DTWD2: variants seen among roughly 807,000 people sequenced by gnomAD.
DTWD2 encodes the protein DTW motif tRNA-uridine aminocarboxypropyltransferase 2.
DTWD2 carries 39 observed loss-of-function variants against 31.8 expected under a neutral mutation model. That is an observed-to-expected ratio of 1.22 (90% CI 0.95 to 1.60). The LOEUF (loss-of-function observed/expected upper bound fraction) is 1.60, where lower values mean the gene tolerates loss of function less well. Ranked by LOEUF, DTWD2 falls within the 40% of genes most tolerant of loss-of-function variation. DTWD2 has a pLI of 0.00. For synonymous variants in DTWD2, 180 were observed against 142.8 expected (o/e 1.26, Z -1.86); for missense variants, 515 against 381.5 (o/e 1.35, Z -2.92).
chr5:118,963,779 G>T (rs974999900), intron 1 of DTWD2, among the ~76,000 whole-genome samples: 1 of 152,072 alleles, frequency 6.6e-6, no homozygotes, highest in African/African-American at 2.4e-5. Context: ...TCCCACCTCT[G>T]CACTCCTAAA....
At chr5:118,968,739 C>T (rs1471587537) in intron 1 of DTWD2, among the ~76,000 whole-genome samples, 1 of 152,252 alleles carries the variant, frequency 6.6e-6, no homozygotes, top group East Asian at 1.9e-4. Flanking sequence ...ATTTTGCATA[C>T]TCTGGCCCTG....
chr5:118,974,203 T>A, intron 1 of DTWD2: 8 of 1,339,676 alleles, frequency 6.0e-6, no homozygotes, highest in Non-Finnish European at 7.3e-6. Context: ...TCTCAGAATC[T>A]AAACGTGGTC....
At position 118,887,991 on chromosome 5, in the gene DTWD2, A is replaced by C. The variant is rs551130858; in HGVS notation, c.598-39773T>G. Among the ~76,000 whole-genome samples the C allele has an allele frequency of 2.0e-5, 3 of 152,266 alleles. No homozygotes were observed. In the South Asian group the frequency reaches 6.2e-4, roughly 32 times the overall value. ...TTACTCACTGGACAATACCATCTGC[A>C]ACTGTGCACACCCCAGCAAGAATTC... On this transcript the variant is annotated intron_variant, in intron 4 of 5. Coordinates refer to ENST00000510708, the MANE Select transcript of DTWD2 (RefSeq NM_173666.4).
chr5:118,881,088 G>C (rs1752729996), intron 4 of DTWD2, among the ~76,000 whole-genome samples: 1 of 152,060 alleles, frequency 6.6e-6, no homozygotes, highest in Non-Finnish European at 1.5e-5. Flanking sequence ...ATCTATTTTG[G>C]AGAAAAATAC....
At chr5:118,926,797 T>C (rs1297340362) in intron 4 of DTWD2, among the ~76,000 whole-genome samples, 3 of 152,104 alleles carry the variant, frequency 2.0e-5, no homozygotes, top group Non-Finnish European at 4.4e-5. Flanking sequence ...CTCAAACTCC[T>C]GGGCTCAAGT....
intron 4 of DTWD2, among the ~76,000 whole-genome samples, chr5:118,882,821 C>G (rs1457795363): frequency 6.6e-6 from 1 of 152,236 alleles, no homozygotes; most frequent in Non-Finnish European, 1.5e-5. Context: ...CCCACAAAAC[C>G]ATTCATAGGA....
At chr5:118,843,658 A>C (rs1414750628) in intron 5 of DTWD2, among the ~76,000 whole-genome samples, 1 of 152,204 alleles carries the variant, frequency 6.6e-6, no homozygotes, top group Admixed American at 6.5e-5. Context: ...TATTCTTGTA[A>C]ACAGAAGAAA....
chr5:118,837,182 A>G lies in DTWD2; in HGVS notation c.*3735T>C, dbSNP rs1387791917. ...GAGGAAGACCCTGGGAAGGAGGAAG[A>G]AAGTGTGAAGAGAAAAGAGAGAGAA... On this transcript the variant is annotated 3_prime_UTR_variant, in exon 6 of 6. Coordinates refer to ENST00000510708, the MANE Select transcript of DTWD2 (RefSeq NM_173666.4). 6.6e-6 allele frequency: 1 copy of G among 152,214 alleles called. No individual in the cohort carries two copies. Among genetic ancestry groups the G allele is most frequent in the African/African-American group, 2.4e-5 (1 of 41,456 alleles). 9.4% of individuals were successfully genotyped at this position (152,214 alleles called of 1,614,324 possible). A position where few individuals can be genotyped will look rare whatever the true frequency, so the allele number is the denominator to read the frequency against.
chr5:118,950,990 G>T (rs1006698971), intron 1 of DTWD2, among the ~76,000 whole-genome samples: 1 of 152,126 alleles, frequency 6.6e-6, no homozygotes, highest in Non-Finnish European at 1.5e-5. Flanking sequence ...GTCTAGGAAG[G>T]TAAAGTCTCT....
chr5:118,891,983 A>G (rs918530648), intron 4 of DTWD2, among the ~76,000 whole-genome samples: 1 of 152,204 alleles, frequency 6.6e-6, no homozygotes, highest in African/African-American at 2.4e-5. Flanking sequence ...AAATTTTCTA[A>G]CAGCCATATT....
rs576317081 is a variant in DTWD2 at position 118,927,764 on chromosome 5, C to T, written c.597+773G>A. 3.3e-5 allele frequency among the ~76,000 whole-genome samples: 5 copies of T among 152,152 alleles called. No individual in the cohort carries two copies. The East Asian group carries it at 9.6e-4, about 29-fold the overall frequency. On this transcript the variant is annotated intron_variant, in intron 4 of 5. Transcript: ENST00000510708. Reference sequence around the variant, plus strand: ...TAAAAGCTACCATTTTTAAAGAGAACAGAACCAAGTGATTTCACCAATGAG... The same window carrying T: ...TAAAAGCTACCATTTTTAAAGAGAATAGAACCAAGTGATTTCACCAATGAG...
intron 1 of DTWD2, among the ~76,000 whole-genome samples, chr5:118,959,430 A>G (rs1168994915): frequency 6.6e-6 from 1 of 152,206 alleles, no homozygotes; most frequent in African/African-American, 2.4e-5. Flanking sequence ...ATTACAAAGC[A>G]CTGCTCAAAG....
chr5:118,875,431 C>A (rs746410862), intron 4 of DTWD2, among the ~76,000 whole-genome samples: 9 of 151,844 alleles, frequency 5.9e-5, no homozygotes, highest in Non-Finnish European at 7.4e-5. Flanking sequence ...GAACCAAGAC[C>A]TATTGGTATG....
chr5:118,968,978 C>G (rs956504556), intron 1 of DTWD2, among the ~76,000 whole-genome samples: 15 of 152,222 alleles, frequency 9.9e-5, no homozygotes, highest in Admixed American at 6.5e-5. Flanking sequence ...CTCTGTGGTT[C>G]CAGCCTGCCG....
intron 4 of DTWD2, among the ~76,000 whole-genome samples, chr5:118,900,198 G>A (rs1753174310): frequency 6.6e-6 from 1 of 152,290 alleles, no homozygotes; most frequent in Non-Finnish European, 1.5e-5. Flanking sequence ...TTTTACTGCT[G>A]TAGAGCATTC....
intron 4 of DTWD2, among the ~76,000 whole-genome samples, chr5:118,897,295 G>C (rs1357244912): frequency 1.3e-5 from 2 of 152,190 alleles, no homozygotes; most frequent in Admixed American, 1.3e-4. Context: ...GTACTGAATT[G>C]TAACATGTGT....
At chr5:118,942,559 T>C (rs1033001162) in intron 2 of DTWD2, among the ~76,000 whole-genome samples, 3 of 151,242 alleles carry the variant, frequency 2.0e-5, no homozygotes. Flanking sequence ...CCCGTAATCC[T>C]AGCACTGTGG....
At chr5:118,861,345 T>G (rs1363781995) in intron 4 of DTWD2, among the ~76,000 whole-genome samples, 1 of 152,246 alleles carries the variant, frequency 6.6e-6, no homozygotes, top group Non-Finnish European at 1.5e-5. Context: ...AATAGTTTCA[T>G]TCTTGGGGCT....
intron 1 of DTWD2, among the ~76,000 whole-genome samples, chr5:118,949,581 T>C (rs577285676): frequency 6.6e-6 from 1 of 152,302 alleles, no homozygotes; most frequent in South Asian, 2.1e-4. Flanking sequence ...GCCCATGCTG[T>C]AGCAAGTGAG....
Sources: allele counts gnomAD v4.1 joint callset (sites outside exome capture counted in the v4.1 genomes callset), GRCh38; gene constraint gnomAD v4.1.1; transcripts MANE v1.5; gene names NCBI Gene and HGNC (gene_info 2026-07-23, HGNC 2026-07-21).